Variants in SLC7A2 observed in about 807,000 individuals in gnomAD.
SLC7A2 encodes cationic amino acid transporter 2.
A neutral mutation model predicts 58.9 loss-of-function variants in SLC7A2; 48 were observed. That is an observed-to-expected ratio of 0.82 (90% CI 0.65 to 1.04). The LOEUF (loss-of-function observed/expected upper bound fraction) is 1.04, where lower values mean the gene tolerates loss of function less well. Ranked by LOEUF, SLC7A2 falls within the 50% of genes least tolerant of loss-of-function variation. The pLI is 0.00. For synonymous variants in SLC7A2, 363 were observed against 314.5 expected (o/e 1.15, Z -1.63); for missense variants, 1,029 against 818.8 (o/e 1.26, Z -3.13).
intron 6 of SLC7A2, among the ~76,000 whole-genome samples, chr8:17,551,461 G>A (rs1454190810): frequency 1.3e-5 from 2 of 152,094 alleles, no homozygotes; most frequent in African/African-American, 4.8e-5. Context: ...GCCAGGTGTG[G>A]TGGCGCACAC....
rs1466237447 is a variant in SLC7A2 at position 17,550,293 on chromosome 8, T to A, written c.699-8T>A. On this transcript the variant is annotated splice_region_variant and splice_polypyrimidine_tract_variant and intron_variant, in intron 5 of 12. Coordinates refer to ENST00000494857, the MANE Select transcript of SLC7A2 (RefSeq NM_001370338.1). Reference sequence around the variant, plus strand: ...GTGACTTTCCAATGTGTTTGTTCTCTTTCTTAGAGAGCCACCTTCTGAAAA... The same window carrying A: ...GTGACTTTCCAATGTGTTTGTTCTCATTCTTAGAGAGCCACCTTCTGAAAA... The A allele has an allele frequency of 6.2e-7, 1 of 1,613,200 alleles. No individual in the cohort carries two copies. The highest frequency in any genetic ancestry group is 1.1e-5 in the South Asian group (1 of 90,856).
chr8:17,530,499 A>G (rs181441016), intron 2 of SLC7A2, among the ~76,000 whole-genome samples: 2 of 152,022 alleles, frequency 1.3e-5, no homozygotes, highest in Non-Finnish European at 2.9e-5. Flanking sequence ...TCACAGAGGG[A>G]TGGTTTGGAA....
chr8:17,534,553 A>T (rs548552901), intron 2 of SLC7A2, among the ~76,000 whole-genome samples: 2 of 152,162 alleles, frequency 1.3e-5, no homozygotes, highest in African/African-American at 2.4e-5. Flanking sequence ...TGAAAATATC[A>T]TGCCAAATAT....
intron 4 of SLC7A2, among the ~76,000 whole-genome samples, chr8:17,545,410 T>C (rs1001740452): frequency 4.3e-5 from 6 of 139,882 alleles, no homozygotes; most frequent in South Asian, 2.4e-4. Context: ...TTTCTTTTTT[T>C]TTTTTTTTTT....
chr8:17,542,914 A>G (rs1039444040), intron 2 of SLC7A2, among the ~76,000 whole-genome samples: 1 of 152,156 alleles, frequency 6.6e-6, no homozygotes, highest in African/African-American at 2.4e-5. Context: ...GTGAGCCAAG[A>G]TTGTGCCACT....
At chr8:17,538,222 A>C (rs775378961) in intron 2 of SLC7A2, among the ~76,000 whole-genome samples, 20 of 152,228 alleles carry the variant, frequency 1.3e-4, no homozygotes, top group Admixed American at 1.3e-4. Context: ...GTTTTATTAC[A>C]GTGCTTGTAA....
At chr8:17,520,087 C>A (rs1800954855) in intron 2 of SLC7A2, among the ~76,000 whole-genome samples, 1 of 152,100 alleles carries the variant, frequency 6.6e-6, no homozygotes, top group Non-Finnish European at 1.5e-5. Context: ...CTGTTTGGTA[C>A]TGATTGTAGA....
chr8:17,548,804 T>C lies in SLC7A2; in HGVS notation c.659T>C (p.Ile220Thr). ...FVKGNVANWK[I>T]SEEFLKNISA... ...AAAGGAAATGTGGCAAACTGGAAGA[T>C]TAGTGAAGAGTTTCTCAAAAATATA... The change falls in exon 5 of 13, where the codon ATT (isoleucine) becomes ACT (threonine). Residue 220 changes from isoleucine (I) to threonine (T), a missense_variant. By Grantham distance (89) the Ile-to-Thr change is moderately conservative (BLOSUM62 -1). Coordinates refer to ENST00000494857, the MANE Select transcript of SLC7A2 (RefSeq NM_001370338.1). 1 of 1,613,450 alleles carries C rather than the reference T, an allele frequency of 6.2e-7. No individual in the cohort carries two copies. Among genetic ancestry groups the C allele is most frequent in the Non-Finnish European group, 8.5e-7 (1 of 1,179,858 alleles).
intron 11 of SLC7A2, 52 bp downstream of exon 11, chr8:17,562,162 A>T: frequency 4.3e-6 from 4 of 933,898 alleles, no homozygotes; most frequent in South Asian, 1.9e-5. Context: ...TTTTCTCTGT[A>T]TAATTAGTTT....
At chr8:17,524,406 ATG>A (rs147627145) in intron 2 of SLC7A2, among the ~76,000 whole-genome samples, 56,252 of 137,704 alleles carry the variant, frequency 0.41, 11,764 homozygotes, top group Middle Eastern at 0.52. Context: ...ATATACATAT[ATG>A]TGTGTGTGTG....
rs1203577672 is a variant in SLC7A2, at chr8:17,563,604, T to G, written c.1673T>G (p.Val558Gly). The G allele has an allele frequency of 1.3e-6, 2 of 1,593,056 alleles. No homozygotes were observed. Among genetic ancestry groups the G allele is most frequent in the African/African-American group, 2.7e-5 (2 of 74,506 alleles). Reference protein sequence around the residue: ...PQNQQKVAFMVPFLPFLPAFS... With the variant: ...PQNQQKVAFMGPFLPFLPAFS... ...CAAAAGGATTGTTTTCCCCCTCAGGTTCCATTCTTACCATTTTTGCCAGCG... is the reference window on the plus strand; with the variant it reads ...CAAAAGGATTGTTTTCCCCCTCAGGGTCCATTCTTACCATTTTTGCCAGCG... Residue 558 changes from valine to glycine, a missense_variant and splice_region_variant, in exon 12 of 13, where the codon GTT becomes GGT. Physicochemically the swap from Val to Gly is moderately radical, Grantham distance 109. Coordinates refer to ENST00000494857, the MANE Select transcript of SLC7A2 (RefSeq NM_001370338.1).
At chr8:17,519,958 T>C (rs1800949573) in intron 2 of SLC7A2, among the ~76,000 whole-genome samples, 1 of 152,186 alleles carries the variant, frequency 6.6e-6, no homozygotes, top group African/African-American at 2.4e-5. Flanking sequence ...ATCTGATTGA[T>C]TGAAACATCT....
At chr8:17,558,211 A>G (rs1361180714) in intron 8 of SLC7A2, 84 bp from the exon 9 acceptor site, 1 of 807,176 alleles carries the variant, frequency 1.2e-6, no homozygotes, top group Non-Finnish European at 2.1e-6. Context: ...AGTGGCAGTC[A>G]GATGTCCCTG....
chr8:17,534,654 T>A (rs1011386205), intron 2 of SLC7A2, among the ~76,000 whole-genome samples: 4 of 151,378 alleles, frequency 2.6e-5, no homozygotes, highest in African/African-American at 7.3e-5. Flanking sequence ...TCTATGTGTT[T>A]GCTTTTTCAG....
In SLC7A2 at chr8:17,507,297, G is replaced by C. The variant is rs61369047; in HGVS notation, c.-23+4995G>C. Among the ~76,000 whole-genome samples, 1,098 of 152,134 alleles carry C rather than the reference G, an allele frequency of 7.2e-3. 18 individuals carry two copies. The highest frequency in any genetic ancestry group is 0.025 in the African/African-American group (1,056 of 41,478). ...GTACAATTACAACTTAACATTTTTA[G>C]ATTTTAATGGTTAACTATAATTTAT... On this transcript the variant is annotated intron_variant, in intron 2 of 12. Transcript: ENST00000494857.
upstream of SLC7A2, chr8:17,497,077 C>T (rs533412115): frequency 3.3e-5 from 5 of 151,230 alleles, 1 homozygote; most frequent in African/African-American, 1.2e-4. Context: ...GGGGCGCCCA[C>T]GTGCCCAGCC....
intron 2 of SLC7A2, among the ~76,000 whole-genome samples, chr8:17,506,267 C>A (rs557929683): frequency 6.6e-6 from 1 of 152,186 alleles, no homozygotes. Flanking sequence ...CTGCTTTAAA[C>A]TCTCTTGAAA....
upstream of SLC7A2, among the ~76,000 whole-genome samples, chr8:17,495,177 C>T (rs1001996818): frequency 1.8e-4 from 28 of 152,086 alleles, no homozygotes; most frequent in African/African-American, 5.8e-4. Flanking sequence ...CCAGGTTGGC[C>T]TCGAACGTGT....
In SLC7A2 at chr8:17,548,834, C is replaced by T. The variant is rs764072688; in HGVS notation, c.689C>T (p.Ala230Val). ...GAAGAGTTTCTCAAAAATATATCAGCAAGTGCCAGGTAAAATATTTGAGGT... is the reference window on the plus strand; with the variant it reads ...GAAGAGTTTCTCAAAAATATATCAGTAAGTGCCAGGTAAAATATTTGAGGT... ...ISEEFLKNIS[A>V]SAREPPSENG... is the part of the protein sequence containing the mutation. The change falls in exon 5 of 13, where the codon GCA becomes GTA. Residue 230 changes from alanine to valine, a missense_variant. Ala to Val is a moderately conservative substitution (Grantham distance 64). Transcript: ENST00000494857. 1.9e-6 allele frequency: 3 copies of T among 1,594,198 alleles called. No individual in the cohort carries two copies. Among genetic ancestry groups the T allele is most frequent in the Non-Finnish European group, 2.6e-6 (3 of 1,175,282 alleles).
Sources: allele counts gnomAD v4.1 joint callset (sites outside exome capture counted in the v4.1 genomes callset), GRCh38; gene constraint gnomAD v4.1.1; transcripts MANE v1.5; gene names NCBI Gene and HGNC (gene_info 2026-07-23, HGNC 2026-07-21).